PDE11A: variants seen among roughly 807,000 people sequenced by gnomAD.
The protein encoded by PDE11A is phosphodiesterase 11A.
Under a neutral mutation model 100.5 loss-of-function variants are expected in PDE11A, and 100 were observed. That is an observed-to-expected ratio of 1.00 (90% CI 0.85 to 1.18). The LOEUF (loss-of-function observed/expected upper bound fraction) is 1.18, where lower values mean the gene tolerates loss of function less well. PDE11A is among the 50% of genes most tolerant of loss of function. The probability of loss-of-function intolerance (pLI) is 0.00; values close to 1 mark genes in which losing one functional copy is unlikely to be tolerated. For synonymous variants in PDE11A, 381 were observed against 420.8 expected (o/e 0.91, Z 1.16); for missense variants, 1,141 against 1,152.6 (o/e 0.99, Z 0.15).
chr2:178,049,177 C>T (rs13387463), intron 1 of PDE11A, among the ~76,000 whole-genome samples: 5,851 of 152,130 alleles, frequency 0.038, 400 homozygotes, highest in African/African-American at 0.13. Context: ...GACTTTGAGC[C>T]GGGCACTTAA....
At chr2:177,954,929 T>G (rs751245286) in intron 2 of PDE11A, among the ~76,000 whole-genome samples, 7 of 152,142 alleles carry the variant, frequency 4.6e-5, no homozygotes, top group Non-Finnish European at 1.0e-4. Flanking sequence ...TATGGAGACA[T>G]TTATTTTTAA....
chr2:177,951,446 TC>T (rs2085504702), intron 2 of PDE11A, among the ~76,000 whole-genome samples: 1 of 152,248 alleles, frequency 6.6e-6, no homozygotes, highest in Admixed American at 6.5e-5. Context: ...TATATTTTTT[TC>T]AGGTGTTGTT....
At chr2:177,633,081 G>C (rs745930844) in intron 19 of PDE11A, among the ~76,000 whole-genome samples, 1 of 152,252 alleles carries the variant, frequency 6.6e-6, no homozygotes, top group Admixed American at 6.5e-5. Context: ...CTATGGAAAG[G>C]TGATTTCCCA....
At chr2:177,814,617 G>T (rs2105576092) in intron 9 of PDE11A, among the ~76,000 whole-genome samples, 1 of 152,336 alleles carries the variant, frequency 6.6e-6, no homozygotes, top group South Asian at 2.1e-4. Flanking sequence ...ATGCCTATAA[G>T]TCAACTTCTT....
At position 178,072,273 on chromosome 2, in the gene PDE11A, C is replaced by T; in HGVS notation, c.165G>A (p.Leu55=). The change falls in exon 1 of 20, where the codon TTG becomes TTA. Residue 55 remains leucine, a synonymous_variant. Coordinates refer to ENST00000286063, the MANE Select transcript of PDE11A (RefSeq NM_016953.4). Reference sequence around the variant, plus strand: ...TGTGAGCCAAGCTGCTGGTACCAGCCAAAGAGGGCCTTGGACCTAAAGCCC... The same window carrying T: ...TGTGAGCCAAGCTGCTGGTACCAGCTAAAGAGGGCCTTGGACCTAAAGCCC... The part of the protein sequence containing the change: ...GQGALGPRPS[L]AGTSSLAHST... 6.2e-7 allele frequency: 1 copy of T among 1,613,746 alleles called. No homozygotes were observed. The highest frequency in any genetic ancestry group is 1.1e-5 in the South Asian group (1 of 91,014).
chr2:177,744,338 T>A (rs941739895), intron 10 of PDE11A, among the ~76,000 whole-genome samples: 6 of 100,594 alleles, frequency 6.0e-5, no homozygotes, highest in Non-Finnish European at 1.3e-4. Context: ...GATTGTTTCA[T>A]GCTTTTTTTT....
chr2:178,098,075 A>G (rs903856776), intron 2 of PDE11A, among the ~76,000 whole-genome samples: 1 of 152,216 alleles, frequency 6.6e-6, no homozygotes, highest in Non-Finnish European at 1.5e-5. Context: ...TAAAAAACCA[A>G]GTAACTCATA....
chr2:177,743,905 G>T (rs1055911233), intron 10 of PDE11A, among the ~76,000 whole-genome samples: 15 of 152,166 alleles, frequency 9.9e-5, no homozygotes, highest in African/African-American at 3.6e-4. Flanking sequence ...TAAAATCTCT[G>T]CCAGCCTTGA....
At chr2:177,949,823 A>G (rs2085485576) in intron 2 of PDE11A, among the ~76,000 whole-genome samples, 1 of 152,190 alleles carries the variant, frequency 6.6e-6, no homozygotes. Flanking sequence ...CAGATTGACA[A>G]TGAGAGCTTT....
intron 10 of PDE11A, among the ~76,000 whole-genome samples, chr2:177,757,635 G>A (rs373838336): frequency 1.3e-5 from 2 of 152,226 alleles, no homozygotes; most frequent in African/African-American, 4.8e-5. Context: ...GAGCCTCGCT[G>A]TAAGTTCTTA....
intron 9 of PDE11A, among the ~76,000 whole-genome samples, chr2:177,804,054 C>T (rs2082831109): frequency 6.6e-6 from 1 of 151,664 alleles, no homozygotes; most frequent in African/African-American, 2.4e-5. Flanking sequence ...TTGGCCTAGG[C>T]AAAGAATTTA....
chr2:177,808,720 T>C (rs2082907701), intron 9 of PDE11A, among the ~76,000 whole-genome samples: 1 of 152,090 alleles, frequency 6.6e-6, no homozygotes, highest in African/African-American at 2.4e-5. Context: ...TAAAGGTTAG[T>C]GGACAGAAGG....
At chr2:178,042,126 T>C (rs1210961195) in intron 1 of PDE11A, among the ~76,000 whole-genome samples, 2 of 152,220 alleles carry the variant, frequency 1.3e-5, no homozygotes, top group African/African-American at 4.8e-5. Flanking sequence ...CTCAGCTGGC[T>C]TCACATACCT....
chr2:178,047,819 C>A (rs902676650), intron 1 of PDE11A, among the ~76,000 whole-genome samples: 8 of 150,872 alleles, frequency 5.3e-5, no homozygotes, highest in East Asian at 3.9e-4. Flanking sequence ...TTTTCCTAAC[C>A]CCCCCATGTT....
intron 19 of PDE11A, among the ~76,000 whole-genome samples, chr2:177,643,767 T>C (rs2080180549): frequency 6.6e-6 from 1 of 152,052 alleles, no homozygotes; most frequent in African/African-American, 2.4e-5. Context: ...GAAGAAAAAA[T>C]GGCTTCGTGG....
chr2:178,034,370 T>C (rs781072802), intron 1 of PDE11A, among the ~76,000 whole-genome samples: 4 of 152,208 alleles, frequency 2.6e-5, no homozygotes, highest in Non-Finnish European at 5.9e-5. Context: ...CTCAGATTCA[T>C]AAAAGAAGTT....
At position 178,014,399 on chromosome 2, in the gene PDE11A, C is replaced by T. The variant is rs760827945; in HGVS notation, c.974G>A (p.Cys325Tyr). The T allele has an allele frequency of 6.8e-6, 11 of 1,611,720 alleles. No individual in the cohort carries two copies. In the South Asian group the frequency reaches 1.2e-4, roughly 18 times the overall value. The change falls in exon 2 of 20, where the codon TGC (cysteine) becomes TAC (tyrosine). Residue 325 changes from cysteine (C) to tyrosine (Y), a missense_variant. Transcript: ENST00000286063. ...ACCATCACTGCTTCGGATAGGCATG[C>T]ACAATAATGATTTTGTCTTGTATCC... is the stretch of plus-strand genomic sequence containing the variant. ...LTGYKTKSLL[C>Y]MPIRSSDGEI...
At chr2:177,801,738 T>G (rs1238354659) in intron 9 of PDE11A, among the ~76,000 whole-genome samples, 1 of 152,042 alleles carries the variant, frequency 6.6e-6, no homozygotes, top group African/African-American at 2.4e-5. Context: ...ATGTAAAAGC[T>G]AAACCCAAAA....
At chr2:177,711,556 C>T (rs2081359378) in intron 13 of PDE11A, among the ~76,000 whole-genome samples, 1 of 152,076 alleles carries the variant, frequency 6.6e-6, no homozygotes, top group Non-Finnish European at 1.5e-5. Context: ...AGAGACCGAC[C>T]AAATCAACAA....
Sources: gnomAD v4.1 joint callset for allele counts (sites outside exome capture counted in the v4.1 genomes callset) on GRCh38, gnomAD v4.1.1 for gene constraint, MANE v1.5 for transcripts, NCBI Gene and HGNC (gene_info 2026-07-23, HGNC 2026-07-21) for gene names.